CACNA2D4: variants seen among roughly 807,000 people sequenced by gnomAD.
The protein encoded by CACNA2D4 is calcium voltage-gated channel auxiliary subunit alpha2delta 4.
Under a neutral mutation model 163.8 loss-of-function variants are expected in CACNA2D4, and 157 were observed. That is an observed-to-expected ratio of 0.96 (90% confidence interval 0.84 to 1.09). The LOEUF (loss-of-function observed/expected upper bound fraction) is 1.09. Ranked by LOEUF, CACNA2D4 falls within the 50% of genes least tolerant of loss-of-function variation. The pLI is 0.00. For missense variants in CACNA2D4, 1,410 were observed against 1,479.9 expected (o/e 0.95, Z 0.78); for synonymous variants, 598 against 586.9 (o/e 1.02, Z -0.27).
Position 1,875,379 on chromosome 12 carries a change from A to G in CACNA2D4, c.1720-42T>C. On this transcript the variant is annotated intron_variant, in intron 16 of 37. Transcript: ENST00000382722. The surrounding 1 kb of genome is among the most constrained non-coding windows in gnomAD (Gnocchi z 4.0). ...AGGAAGAAAAACATGTGGTCAGTAT[A>G]CGTCCTGCTCAAGTTTATCTCTTCT... 1 of 1,244,124 alleles carries G rather than the reference A, an allele frequency of 8.0e-7. No homozygotes were observed. Among genetic ancestry groups the G allele is most frequent in the Non-Finnish European group, 1.2e-6 (1 of 842,622 alleles). The allele number at this position is 1,244,124 out of a possible 1,614,324, so 77.1% of individuals were successfully genotyped here. A position where few individuals can be genotyped will look rare whatever the true frequency, so the allele number is the denominator to read the frequency against.
rs532188150 is a variant in CACNA2D4 at position 1,793,440 on chromosome 12, C to T, written c.*215G>A. 50 of 615,734 alleles carry T rather than the reference C, an allele frequency of 8.1e-5. No individual in the cohort carries two copies. Among genetic ancestry groups the T allele is most frequent in the South Asian group, 3.4e-4 (18 of 53,636 alleles). 38.1% of individuals were successfully genotyped at this position (615,734 alleles called of 1,614,324 possible). On this transcript the variant is annotated 3_prime_UTR_variant, in exon 38 of 38. Coordinates refer to ENST00000382722, the MANE Select transcript of CACNA2D4 (RefSeq NM_172364.5). ...TGTTGAGACCTAGGGCAGATGGTAC[C>T]GGGCACCATGAAGCATCTTGAAAGT...
intron 29 of CACNA2D4, 97 bp from the exon 30 acceptor site, chr12:1,801,741 C>T (rs1863341226): frequency 3.8e-6 from 3 of 792,104 alleles, no homozygotes; most frequent in East Asian, 5.6e-5. Flanking sequence ...CAGGTCGAGG[C>T]TTTTGGTGCC....
At chr12:1,839,545 A>G (rs923434591) in intron 26 of CACNA2D4, among the ~76,000 whole-genome samples, 2 of 152,208 alleles carry the variant, frequency 1.3e-5, no homozygotes, top group East Asian at 1.9e-4. Flanking sequence ...TCCCAGCCTC[A>G]TTCATTATTA....
At chr12:1,900,592 C>G (rs1329238920) in intron 6 of CACNA2D4, among the ~76,000 whole-genome samples, 2 of 152,152 alleles carry the variant, frequency 1.3e-5, no homozygotes, top group Non-Finnish European at 2.9e-5. Flanking sequence ...TAGGGCCTAG[C>G]AATTCCATTC....
intron 6 of CACNA2D4, among the ~76,000 whole-genome samples, chr12:1,893,305 C>G: frequency 6.6e-6 from 1 of 152,012 alleles, no homozygotes; most frequent in East Asian, 1.9e-4. Context: ...ATCACGAGGT[C>G]AGGAGTTGAA....
At chr12:1,862,026 G>A (rs1325768565) in intron 18 of CACNA2D4, among the ~76,000 whole-genome samples, 4 of 152,168 alleles carry the variant, frequency 2.6e-5, no homozygotes, top group African/African-American at 7.2e-5. Context: ...TGTTTTCAGC[G>A]TCCGTCTATA....
rs980282244 is a variant in CACNA2D4 at position 1,824,473 on chromosome 12, C to T, written c.2552-12750G>A. On this transcript the variant is annotated intron_variant, in intron 26 of 37. Coordinates refer to ENST00000382722, the MANE Select transcript of CACNA2D4 (RefSeq NM_172364.5). ...CTTCAGCCCCATTCTCCAATCCTGG[C>T]TCTCTCTGGAAGGGAGGCCAGGGAC... 2.6e-5 allele frequency among the ~76,000 whole-genome samples: 4 copies of T among 152,322 alleles called. 1 individual carries two copies. In the East Asian group the frequency reaches 7.7e-4, roughly 29 times the overall value.
chr12:1,900,257 A>G, intron 6 of CACNA2D4, among the ~76,000 whole-genome samples: 1 of 152,156 alleles, frequency 6.6e-6, no homozygotes, highest in East Asian at 1.9e-4. Context: ...AGTCTCCTGA[A>G]TAGCACCACA....
At chr12:1,797,071 G>A (rs896298674) in intron 35 of CACNA2D4, among the ~76,000 whole-genome samples, 3 of 152,348 alleles carry the variant, frequency 2.0e-5, no homozygotes, top group South Asian at 2.1e-4. Context: ...AGGGCTGGGG[G>A]AGACCCGCCG....
chr12:1,800,559 G>T, intron 31 of CACNA2D4, 121 bp from the exon 32 acceptor site: 1 of 961,530 alleles, frequency 1.0e-6, no homozygotes, highest in Non-Finnish European at 1.6e-6. Context: ...CTGGGAGCAG[G>T]GGCAGCAGAG....
chr12:1,800,467 C>T, intron 31 of CACNA2D4, 29 bp from the exon 32 acceptor site: 4 of 1,611,810 alleles, frequency 2.5e-6, no homozygotes, highest in Non-Finnish European at 3.4e-6. Context: ...ACACCGCTCG[C>T]ACCTAGGTCC....
At chr12:1,816,859 C>G (rs1863893241) in intron 26 of CACNA2D4, among the ~76,000 whole-genome samples, 1 of 152,174 alleles carries the variant, frequency 6.6e-6, no homozygotes, top group Admixed American at 6.5e-5. Flanking sequence ...GACACACAGG[C>G]ATACGCACAC....
chr12:1,834,660 C>T lies in CACNA2D4; in HGVS notation c.2551+6079G>A, dbSNP rs188652921. 345 of 1,601,548 alleles carry T rather than the reference C, an allele frequency of 2.2e-4. 1 individual carries two copies. The East Asian group carries it at 7.1e-3, about 33-fold the overall frequency. The stretch of plus-strand genomic sequence containing the variant: ...CACCGGGAGCTCAAAAAGCGCCAGC[C>T]CCTGATGGGGGACCCCGAGGGCGAG... On this transcript the variant is annotated intron_variant, in intron 26 of 37. Coordinates refer to ENST00000382722, the MANE Select transcript of CACNA2D4 (RefSeq NM_172364.5). This position sits in a 1 kb window ranked among gnomAD's most constrained non-coding sequence, Gnocchi z 7.6.
rs913808897 is a variant in CACNA2D4, at chr12:1,846,589, C to A, written c.2342+5G>T. On this transcript the variant is annotated splice_donor_5th_base_variant and intron_variant, in intron 24 of 37. Coordinates refer to ENST00000382722, the MANE Select transcript of CACNA2D4 (RefSeq NM_172364.5). The stretch of plus-strand genomic sequence containing the variant: ...TGCCCTCCCGAGGTGGCCGGCCCAA[C>A]CCACCTGTCGGAGACCTTCTCGGAG... 8.2e-6 allele frequency: 13 copies of A among 1,588,490 alleles called. No homozygotes were observed. Among genetic ancestry groups the A allele is most frequent in the African/African-American group, 1.3e-5 (1 of 74,556 alleles).
intron 26 of CACNA2D4, among the ~76,000 whole-genome samples, chr12:1,826,706 C>G (rs78120341): frequency 5.3e-5 from 8 of 152,080 alleles, no homozygotes; most frequent in Non-Finnish European, 1.2e-4. Flanking sequence ...CTGCCCTTGC[C>G]GGGGGCAGAG....
chr12:1,809,731 C>T (rs532342178), intron 29 of CACNA2D4, among the ~76,000 whole-genome samples: 3 of 152,268 alleles, frequency 2.0e-5, no homozygotes, highest in South Asian at 2.1e-4. Context: ...GGCATTCAGG[C>T]GAGAAAGCAT....
In CACNA2D4 at chr12:1,844,475, C is replaced by T. The variant is rs539350541; in HGVS notation, c.2397G>A (p.Pro799=). 44 of 1,613,466 alleles carry T rather than the reference C, an allele frequency of 2.7e-5. No homozygotes were observed. Among genetic ancestry groups the T allele is most frequent in the African/African-American group, 1.2e-4 (9 of 75,026 alleles). ...GCTCTGAGGCCTGGCGGTACCACAG[C>T]GGGAAGCGGTCCAGGGTGAACACGC... ...EASVFTLDRF[P]LWYRQASEHP... is the part of the protein sequence containing the mutation. Residue 799 remains proline (P), a synonymous_variant, in exon 25 of 38, where the codon CCG becomes CCA. Transcript: ENST00000382722. The surrounding 1 kb of genome is among the most constrained non-coding windows in gnomAD (Gnocchi z 4.2).
chr12:1,793,608 G>A lies in CACNA2D4; in HGVS notation c.*47C>T. The A allele has an allele frequency of 4.5e-6, 7 of 1,544,834 alleles. No homozygotes were observed. The highest frequency in any genetic ancestry group is 6.3e-6 in the Non-Finnish European group (7 of 1,117,070). The stretch of plus-strand genomic sequence containing the variant: ...ATGTCAGTGCTGACTTTTTGGGATG[G>A]CTCTGGAAGGATCACCTTGCCAAAA... On this transcript the variant is annotated 3_prime_UTR_variant, in exon 38 of 38. Coordinates refer to ENST00000382722, the MANE Select transcript of CACNA2D4 (RefSeq NM_172364.5).
At position 1,834,406 on chromosome 12, in the gene CACNA2D4, G is replaced by A; in HGVS notation, c.2551+6333C>T. On this transcript the variant is annotated intron_variant, in intron 26 of 37. Transcript: ENST00000382722. The surrounding 1 kb of genome is among the most constrained non-coding windows in gnomAD (Gnocchi z 7.6). ...GCTCAGCTGGGCTGGATATTCCTGG[G>A]CCACCCTGCACCAAGGCCAGTCCAG... The A allele has an allele frequency of 1.2e-6, 2 of 1,613,034 alleles. No homozygotes were observed. Among genetic ancestry groups the A allele is most frequent in the South Asian group, 2.2e-5 (2 of 91,078 alleles).
Sources: allele counts gnomAD v4.1 joint callset (sites outside exome capture counted in the v4.1 genomes callset), GRCh38; gene constraint gnomAD v4.1.1; non-coding constraint Gnocchi (gnomAD v3.1); transcripts MANE v1.5; gene names NCBI Gene and HGNC (gene_info 2026-07-23, HGNC 2026-07-21).